Variants in CADM2 observed in about 807,000 individuals in gnomAD.
The protein encoded by CADM2 is immunoglobulin superfamily member 4D.
A neutral mutation model predicts 49.8 loss-of-function variants in CADM2; 12 were observed. The ratio of observed to expected loss-of-function variants is 0.24; its 90% CI spans 0.15 to 0.39. The LOEUF (loss-of-function observed/expected upper bound fraction) is 0.39, where lower values mean the gene tolerates loss of function less well. Ranked by LOEUF, CADM2 falls within the 10% of genes least tolerant of loss-of-function variation. The probability of loss-of-function intolerance (pLI) is 1.00; values close to 1 mark genes in which losing one functional copy is unlikely to be tolerated. For synonymous variants in CADM2, 214 were observed against 175.4 expected, an observed-to-expected ratio of 1.22 and a Z score of -1.74; for missense variants, 378 against 492.3, an observed-to-expected ratio of 0.77 and a Z score of 2.20.
At chr3:85,754,224 C>T (rs7638774) in intron 2 of CADM2, among the ~76,000 whole-genome samples, 99,491 of 151,934 alleles carry the variant, frequency 0.65, 32,934 homozygotes, top group East Asian at 0.77. Flanking sequence ...TGAAATCTTA[C>T]TGGAAAGCTG....
chr3:85,167,720 C>T lies in CADM2; in HGVS notation c.61+208052C>T, dbSNP rs111716949. 2.0e-3 allele frequency among the ~76,000 whole-genome samples: 309 copies of T among 152,236 alleles called. 1 individual carries two copies. The highest frequency in any genetic ancestry group is 7.0e-3 in the African/African-American group (291 of 41,560). On this transcript the variant is annotated intron_variant, in intron 1 of 9. Coordinates refer to ENST00000383699, the MANE Select transcript of CADM2 (RefSeq NM_001167675.2). ...ATTTTAGTTTGCGTTCAGTACTATT[C>T]AATACCTTTCTTTCAAAAAAACTTC...
chr3:85,753,690 A>G (rs948936455), intron 2 of CADM2, among the ~76,000 whole-genome samples: 2 of 152,184 alleles, frequency 1.3e-5, no homozygotes, highest in Non-Finnish European at 2.9e-5. Flanking sequence ...AGGAACTAGA[A>G]CAGGTGAGTA....
chr3:85,655,636 G>A (rs908980984), intron 1 of CADM2, among the ~76,000 whole-genome samples: 7 of 152,078 alleles, frequency 4.6e-5, no homozygotes, highest in African/African-American at 1.7e-4. Context: ...GTACAGATGG[G>A]GAATTTGAAG....
intron 1 of CADM2, among the ~76,000 whole-genome samples, chr3:85,330,631 C>T (rs934930745): frequency 6.6e-6 from 1 of 151,726 alleles, no homozygotes. Context: ...ATAAATCCAC[C>T]CTAACTTATT....
chr3:85,424,126 T>C (rs1431265859), intron 1 of CADM2, among the ~76,000 whole-genome samples: 1 of 152,138 alleles, frequency 6.6e-6, no homozygotes, highest in Non-Finnish European at 1.5e-5. Context: ...GAGATTTTTC[T>C]GAGAAATAGA....
chr3:85,996,370 C>T (rs1302236272), intron 8 of CADM2, among the ~76,000 whole-genome samples: 1 of 143,824 alleles, frequency 7.0e-6, no homozygotes, highest in Non-Finnish European at 1.5e-5. Flanking sequence ...GTGATCTCAG[C>T]TCACTGCAAC....
intron 1 of CADM2, among the ~76,000 whole-genome samples, chr3:84,963,009 A>C (rs2030682708): frequency 6.6e-6 from 1 of 152,166 alleles, no homozygotes; most frequent in Non-Finnish European, 1.5e-5. Context: ...TAATTCTATA[A>C]CATCTGCCAG....
chr3:85,640,851 A>G (rs1343326259), intron 1 of CADM2, among the ~76,000 whole-genome samples: 1 of 105,198 alleles, frequency 9.5e-6, no homozygotes, highest in African/African-American at 2.8e-5. Flanking sequence ...CAAGATGATG[A>G]CATTAGGTTA....
intron 1 of CADM2, among the ~76,000 whole-genome samples, chr3:85,678,820 T>G (rs2065958647): frequency 6.6e-6 from 1 of 152,154 alleles, no homozygotes; most frequent in South Asian, 2.1e-4. Flanking sequence ...AGATCTCAAC[T>G]GGGGTGAATT....
intron 1 of CADM2, among the ~76,000 whole-genome samples, chr3:85,290,845 G>A (rs919731056): frequency 6.6e-6 from 1 of 152,186 alleles, no homozygotes; most frequent in Non-Finnish European, 1.5e-5. Flanking sequence ...GGAAAAAACA[G>A]AACAGAAAAA....
intron 1 of CADM2, among the ~76,000 whole-genome samples, chr3:85,373,304 A>C (rs557598645): frequency 7.2e-5 from 11 of 152,340 alleles, no homozygotes; most frequent in African/African-American, 2.2e-4. Context: ...TTAGTGCACC[A>C]GTCAAATCTT....
At chr3:85,215,625 T>A in intron 1 of CADM2, among the ~76,000 whole-genome samples, 1 of 152,030 alleles carries the variant, frequency 6.6e-6, no homozygotes, top group East Asian at 1.9e-4. Flanking sequence ...TCCCCTGGAT[T>A]TGAACTCAGT....
intron 1 of CADM2, among the ~76,000 whole-genome samples, chr3:85,449,824 C>T (rs1386752443): frequency 6.6e-6 from 1 of 152,074 alleles, no homozygotes; most frequent in East Asian, 1.9e-4. Flanking sequence ...TGAATAAAAG[C>T]CGATGCCCAT....
intron 2 of CADM2, among the ~76,000 whole-genome samples, chr3:85,727,894 C>T (rs1246690055): frequency 1.3e-5 from 2 of 152,058 alleles, no homozygotes; most frequent in Non-Finnish European, 2.9e-5. Context: ...GGTCTGGAAA[C>T]AGGAGTGAAT....
intron 2 of CADM2, among the ~76,000 whole-genome samples, chr3:85,796,117 T>C (rs2071605639): frequency 6.6e-6 from 1 of 152,254 alleles, no homozygotes; most frequent in Non-Finnish European, 1.5e-5. Flanking sequence ...ATGTACTGGT[T>C]GATCATCAAA....
chr3:85,867,078 A>G (rs955139862), intron 3 of CADM2, among the ~76,000 whole-genome samples: 1 of 152,124 alleles, frequency 6.6e-6, no homozygotes, highest in Non-Finnish European at 1.5e-5. Flanking sequence ...CCTTATTATT[A>G]TTTTTAGGCA....
At chr3:85,955,958 A>G (rs902354702) in intron 7 of CADM2, among the ~76,000 whole-genome samples, 1 of 151,706 alleles carries the variant, frequency 6.6e-6, no homozygotes, top group Non-Finnish European at 1.5e-5. Flanking sequence ...CTGAAAAAAT[A>G]TCTTTAGATA....
chr3:85,905,135 G>A (rs1716628565), intron 5 of CADM2, among the ~76,000 whole-genome samples: 1 of 152,044 alleles, frequency 6.6e-6, no homozygotes. Context: ...TGTCTATGGT[G>A]AATGCCTGAA....
At chr3:85,145,697 A>G (rs1045849586) in intron 1 of CADM2, among the ~76,000 whole-genome samples, 1 of 152,158 alleles carries the variant, frequency 6.6e-6, no homozygotes, top group African/African-American at 2.4e-5. Flanking sequence ...GAAGTAATGG[A>G]ATGGTATAAT....
Sources: allele counts gnomAD v4.1 joint callset (sites outside exome capture counted in the v4.1 genomes callset), GRCh38; gene constraint gnomAD v4.1.1; transcripts MANE v1.5; gene names NCBI Gene and HGNC (gene_info 2026-07-23, HGNC 2026-07-21).